Variants in TRMT11 observed in about 807,000 individuals in gnomAD.
The protein encoded by TRMT11 is tRNA (guanine(10)-N(2))-methyltransferase TRMT11.
A neutral mutation model predicts 62.8 loss-of-function variants in TRMT11; 53 were observed. The ratio of observed to expected loss-of-function variants is 0.84; its 90% CI spans 0.68 to 1.06. The LOEUF is 1.06. Among genes scored for constraint, TRMT11 ranks in the 50% least tolerant of loss-of-function variants. The pLI, the probability that TRMT11 is intolerant of heterozygous loss-of-function variation, is 0.00. For missense variants in TRMT11, 556 were observed against 553.4 expected (o/e 1.00, Z -0.05); for synonymous variants, 188 against 190.3 (o/e 0.99, Z 0.10).
chr6:126,091,876 T>A (rs577109208), intron 17 of TRMT11, among the ~76,000 whole-genome samples: 1 of 152,194 alleles, frequency 6.6e-6, no homozygotes, highest in Admixed American at 6.5e-5. Flanking sequence ...CACATGGAAA[T>A]TCATTCAATT....
the TRMT11 span, among the ~76,000 whole-genome samples, chr6:126,237,861 A>G: frequency 1.0e-3 from 152 of 152,236 alleles, no homozygotes; most frequent in African/African-American, 3.3e-3. Context: ...TTGGTTGGTA[A>G]GCTATTAATT....
intron 12 of TRMT11, among the ~76,000 whole-genome samples, chr6:126,038,400 G>A (rs1297924251): frequency 7.1e-6 from 1 of 140,816 alleles, no homozygotes; most frequent in African/African-American, 2.7e-5. Context: ...TTATAGCCTT[G>A]ACTCTGTTAC....
chr6:126,106,936 C>CAA (rs59224462), intron 17 of TRMT11, among the ~76,000 whole-genome samples: 15 of 94,180 alleles, frequency 1.6e-4, no homozygotes, highest in East Asian at 6.3e-4. Flanking sequence ...CTCTCTCTCT[C>CAA]AAAAAAAAAA....
intron 17 of TRMT11, among the ~76,000 whole-genome samples, chr6:126,060,720 T>G (rs1308397293): frequency 6.6e-6 from 1 of 152,232 alleles, no homozygotes; most frequent in Non-Finnish European, 1.5e-5. Flanking sequence ...TTCTTCTTTT[T>G]TCTTTTGATT....
At chr6:126,212,430 C>G in the TRMT11 span, among the ~76,000 whole-genome samples, 2 of 152,028 alleles carry the variant, frequency 1.3e-5, no homozygotes, top group African/African-American at 4.8e-5. Flanking sequence ...CTTGTCAGCA[C>G]TTGTTATTGC....
intron 17 of TRMT11, among the ~76,000 whole-genome samples, chr6:126,070,717 A>G (rs1051654983): frequency 3.9e-5 from 6 of 152,244 alleles, no homozygotes; most frequent in African/African-American, 1.4e-4. Flanking sequence ...TAATAGCACC[A>G]TGTATTCAGC....
chr6:126,164,938 C>G (rs545498158), intron 21 of TRMT11, among the ~76,000 whole-genome samples: 1,732 of 152,144 alleles, frequency 0.011, 32 homozygotes, highest in African/African-American at 0.038. Flanking sequence ...ATCCAATGTG[C>G]TAGTCTGTGT....
intron 1 of TRMT11, among the ~76,000 whole-genome samples, chr6:126,193,488 G>GTTTTT (rs1778627491): frequency 4.0e-4 from 47 of 118,136 alleles, no homozygotes; most frequent in Middle Eastern, 4.2e-3. Context: ...GAGCGTTTCT[G>GTTTTT]TATTTTTTTT....
At chr6:126,161,487 G>A (rs1207137911) in intron 21 of TRMT11, among the ~76,000 whole-genome samples, 1 of 152,124 alleles carries the variant, frequency 6.6e-6, no homozygotes, top group Admixed American at 6.5e-5. Flanking sequence ...ATTATTGATG[G>A]GCATTTGGGT....
chr6:126,165,482 A>T (rs906523570), intron 21 of TRMT11, among the ~76,000 whole-genome samples: 17 of 152,162 alleles, frequency 1.1e-4, no homozygotes, highest in African/African-American at 4.1e-4. Flanking sequence ...CCGGCTTGTG[A>T]CAAAAATCCC....
intron 12 of TRMT11, among the ~76,000 whole-genome samples, chr6:126,036,827 G>GTGGAACA (rs1236154420): frequency 6.6e-6 from 1 of 152,044 alleles, no homozygotes; most frequent in East Asian, 1.9e-4. Context: ...ACGTTAAATG[G>GTGGAACA]TGGAACATTG....
At chr6:126,098,240 T>G (rs897611371) in intron 17 of TRMT11, among the ~76,000 whole-genome samples, 1 of 152,152 alleles carries the variant, frequency 6.6e-6, no homozygotes, top group Middle Eastern at 3.2e-3. Flanking sequence ...GTTCATTTCC[T>G]TGGGGGCAGG....
the TRMT11 span, among the ~76,000 whole-genome samples, chr6:126,213,769 G>A: frequency 2.0e-5 from 3 of 151,918 alleles, no homozygotes; most frequent in Non-Finnish European, 4.4e-5. Flanking sequence ...CTCTAGCTAG[G>A]ACTTCCAGTA....
the TRMT11 span, among the ~76,000 whole-genome samples, chr6:126,212,416 C>T: frequency 6.6e-6 from 1 of 152,274 alleles, no homozygotes; most frequent in Admixed American, 6.5e-5. Context: ...CTTTTCCCTA[C>T]ATCCTTGTCA....
chr6:126,169,287 T>A (rs1778302984), intron 21 of TRMT11, among the ~76,000 whole-genome samples: 1 of 151,842 alleles, frequency 6.6e-6, no homozygotes, highest in African/African-American at 2.4e-5. Context: ...TTCTGCAATA[T>A]TTTTTTTTCT....
chr6:126,093,585 GTA>G (rs56176946), intron 17 of TRMT11, among the ~76,000 whole-genome samples: 2,005 of 46,546 alleles, frequency 0.043, 45 homozygotes, highest in East Asian at 0.075. Flanking sequence ...GGATATGTAT[GTA>G]TATATATATA....
intron 16 of TRMT11, among the ~76,000 whole-genome samples, chr6:126,049,575 T>C (rs1427874529): frequency 6.6e-6 from 1 of 152,200 alleles, no homozygotes; most frequent in Non-Finnish European, 1.5e-5. Flanking sequence ...GATTGGTTGA[T>C]GTCTATGGGA....
At chr6:126,083,533 A>T (rs997649068) in intron 17 of TRMT11, among the ~76,000 whole-genome samples, 2 of 152,182 alleles carry the variant, frequency 1.3e-5, no homozygotes, top group African/African-American at 4.8e-5. Flanking sequence ...ACATGATGTT[A>T]TGGGATACAT....
chr6:126,189,735 G>A (rs1778573302), intron 1 of TRMT11, among the ~76,000 whole-genome samples: 1 of 152,040 alleles, frequency 6.6e-6, no homozygotes, highest in Non-Finnish European at 1.5e-5. Context: ...TAGTAATAAG[G>A]TAGCATACTG....
Sources: gnomAD v4.1 joint callset for allele counts (sites outside exome capture counted in the v4.1 genomes callset) on GRCh38, gnomAD v4.1.1 for gene constraint, MANE v1.5 for transcripts, NCBI Gene and HGNC (gene_info 2026-07-23, HGNC 2026-07-21) for gene names.